The following NETO1 variants were observed in gnomAD, a reference collection of about 807,000 sequenced individuals.
NETO1 encodes the protein neuropilin and tolloid-like protein 1.
In NETO1, 26 loss-of-function variants were observed where a neutral mutation model predicts 61.3. The ratio of observed to expected loss-of-function variants is 0.42; its 90% CI spans 0.31 to 0.59. NETO1 has a LOEUF of 0.59. NETO1 is among the 20% of genes least tolerant of loss of function. NETO1 has a pLI of 0.12. For synonymous variants in NETO1, 225 were observed against 225.8 expected, an observed-to-expected ratio of 1.00 and a Z score of 0.03; for missense variants, 531 against 662.8, an observed-to-expected ratio of 0.80 and a Z score of 2.18.
intron 7 of NETO1, among the ~76,000 whole-genome samples, chr18:72,767,848 C>T (rs1322696957): frequency 6.6e-6 from 1 of 152,186 alleles, no homozygotes. Flanking sequence ...AATAGCCTCA[C>T]TGTATTTGAA....
intron 4 of NETO1, among the ~76,000 whole-genome samples, chr18:72,845,815 T>C (rs2074063784): frequency 6.6e-6 from 1 of 151,954 alleles, no homozygotes; most frequent in African/African-American, 2.4e-5. Context: ...AAATCACATG[T>C]TTATAATCAT....
intron 6 of NETO1, among the ~76,000 whole-genome samples, chr18:72,787,029 G>T (rs1676759833): frequency 6.7e-6 from 1 of 148,750 alleles, no homozygotes; most frequent in Non-Finnish European, 1.5e-5. Context: ...TCCCACTCTG[G>T]ATTTAAATTT....
chr18:72,863,506 A>C (rs1026549273), intron 3 of NETO1, among the ~76,000 whole-genome samples: 11 of 152,216 alleles, frequency 7.2e-5, no homozygotes, highest in Admixed American at 6.5e-4. Flanking sequence ...TCAGTTGTAA[A>C]AGGAATTTGC....
Position 72,864,693 on chromosome 18 carries a change from C to T in NETO1, c.220+115G>A, listed in dbSNP as rs148966704. 7.7e-5 allele frequency: 101 copies of T among 1,310,424 alleles called. 1 individual carries two copies. In the East Asian group the frequency reaches 1.1e-3, roughly 14 times the overall value. 81.2% of individuals were successfully genotyped at this position (1,310,424 alleles called of 1,614,324 possible). On this transcript the variant is annotated intron_variant, in intron 3 of 10. Coordinates refer to ENST00000327305, the MANE Select transcript of NETO1 (RefSeq NM_138966.5). ...TTGATTCACTCAAGAGATATTTTTG[C>T]GCATGATCTCCAGATCAATTTTGTA...
intron 4 of NETO1, among the ~76,000 whole-genome samples, chr18:72,810,058 T>A (rs925991281): frequency 6.6e-6 from 1 of 152,244 alleles, no homozygotes; most frequent in African/African-American, 2.4e-5. Flanking sequence ...TGTCACTGTT[T>A]GCAATTTAAG....
At chr18:72,855,946 C>T (rs17086495) in intron 4 of NETO1, among the ~76,000 whole-genome samples, 3,169 of 152,278 alleles carry the variant, frequency 0.021, 121 homozygotes, top group African/African-American at 0.073. Context: ...TGATTATAAT[C>T]TGTCCACCCA....
chr18:72,789,849 C>A (rs561264710), intron 6 of NETO1, among the ~76,000 whole-genome samples: 1 of 152,130 alleles, frequency 6.6e-6, no homozygotes, highest in African/African-American at 2.4e-5. Flanking sequence ...GCTTAGATTA[C>A]GCTCACCTGG....
intron 7 of NETO1, among the ~76,000 whole-genome samples, chr18:72,783,176 C>T (rs11151798): frequency 0.44 from 67,553 of 152,090 alleles, 16,534 homozygotes; most frequent in African/African-American, 0.65. Flanking sequence ...CTGTTTTAAA[C>T]ATTTTCTGAA....
intron 4 of NETO1, among the ~76,000 whole-genome samples, chr18:72,850,630 C>T (rs1465444134): frequency 6.6e-6 from 1 of 152,130 alleles, no homozygotes; most frequent in Non-Finnish European, 1.5e-5. Flanking sequence ...AAATGTTAGT[C>T]AGAGATTTCA....
intron 4 of NETO1, among the ~76,000 whole-genome samples, chr18:72,823,389 G>T (rs1306181511): frequency 1.3e-5 from 2 of 152,214 alleles, no homozygotes; most frequent in South Asian, 2.1e-4. Flanking sequence ...AGCGGAGCAG[G>T]GGAAGGCAGA....
At chr18:72,761,440 T>G (rs929766818) in intron 7 of NETO1, among the ~76,000 whole-genome samples, 1 of 152,226 alleles carries the variant, frequency 6.6e-6, no homozygotes, top group African/African-American at 2.4e-5. Context: ...GAGGAAGGTT[T>G]AGCTGTGTAA....
chr18:72,798,839 T>A (rs1295083480), intron 4 of NETO1, among the ~76,000 whole-genome samples: 3 of 152,186 alleles, frequency 2.0e-5, no homozygotes, highest in South Asian at 4.1e-4. Flanking sequence ...AAATTACAGG[T>A]TCATTGCAAC....
chr18:72,859,567 A>G (rs950505027), intron 3 of NETO1, among the ~76,000 whole-genome samples: 1 of 152,186 alleles, frequency 6.6e-6, no homozygotes, highest in African/African-American at 2.4e-5. Context: ...TAATTTTTCT[A>G]CAACACAAAC....
At chr18:72,821,958 G>A (rs1429412173) in intron 4 of NETO1, among the ~76,000 whole-genome samples, 3 of 152,292 alleles carry the variant, frequency 2.0e-5, no homozygotes, top group Middle Eastern at 6.8e-3. Context: ...TTCAAAAACT[G>A]CCCTATGCAG....
intron 4 of NETO1, among the ~76,000 whole-genome samples, chr18:72,805,393 G>GT (rs1452684628): frequency 2.6e-5 from 4 of 152,180 alleles, no homozygotes; most frequent in East Asian, 1.9e-4. Context: ...GACTAAAAGG[G>GT]TTTTTTCTGG....
intron 3 of NETO1, among the ~76,000 whole-genome samples, chr18:72,861,874 G>A (rs754974618): frequency 1.7e-4 from 26 of 152,088 alleles, no homozygotes; most frequent in Non-Finnish European, 2.9e-4. Flanking sequence ...AGTGCTCATC[G>A]TTGTTACTAA....
intron 4 of NETO1, among the ~76,000 whole-genome samples, chr18:72,798,106 C>T (rs866198661): frequency 2.0e-5 from 3 of 152,166 alleles, no homozygotes; most frequent in Non-Finnish European, 2.9e-5. Context: ...GGATGGGTTC[C>T]CCAACCAGCT....
At chr18:72,853,384 C>T (rs1246359509) in intron 4 of NETO1, 1 of 152,668 alleles carries the variant, frequency 6.6e-6, no homozygotes. Flanking sequence ...AGTACTTTTG[C>T]ACCAAGTCAT....
chr18:72,813,493 T>C (rs1424468398), intron 4 of NETO1, among the ~76,000 whole-genome samples: 4 of 152,150 alleles, frequency 2.6e-5, no homozygotes, highest in Non-Finnish European at 5.9e-5. Flanking sequence ...AGATTCCAAA[T>C]AGTAGAACTA....
Sources: gnomAD v4.1 joint callset for allele counts (sites outside exome capture counted in the v4.1 genomes callset) on GRCh38, gnomAD v4.1.1 for gene constraint, MANE v1.5 for transcripts, NCBI Gene and HGNC (gene_info 2026-07-23, HGNC 2026-07-21) for gene names.